SEMA3A: variants seen among roughly 807,000 people sequenced by gnomAD.
SEMA3A encodes the protein semaphorin-3A.
SEMA3A carries 29 observed loss-of-function variants against 97.9 expected under a neutral mutation model. The observed-to-expected ratio is 0.30, with a 90% CI of 0.22 to 0.40. SEMA3A has a LOEUF of 0.40. SEMA3A is among the 10% of genes least tolerant of loss of function. The pLI, the probability that SEMA3A is intolerant of heterozygous loss-of-function variation, is 1.00. For missense variants in SEMA3A, 763 were observed against 951.3 expected (o/e 0.80, Z 2.60); for synonymous variants, 321 against 323.7 (o/e 0.99, Z 0.09).
At chr7:84,238,520 C>A (rs1799287087) in intron 3 of SEMA3A, among the ~76,000 whole-genome samples, 1 of 152,002 alleles carries the variant, frequency 6.6e-6, no homozygotes. Context: ...GAAATAATAG[C>A]TTATGAATAA....
intron 4 of SEMA3A, among the ~76,000 whole-genome samples, chr7:84,069,671 A>G (rs1213744094): frequency 6.6e-6 from 1 of 152,146 alleles, no homozygotes; most frequent in East Asian, 1.9e-4. Context: ...ATTCTTTCAA[A>G]AGGAATATAA....
intron 12 of SEMA3A, among the ~76,000 whole-genome samples, chr7:83,991,095 T>G (rs1181033365): frequency 6.7e-6 from 1 of 149,564 alleles, no homozygotes; most frequent in Non-Finnish European, 1.5e-5. Flanking sequence ...TGAATGGGAG[T>G]TCACTCATGA....
intron 1 of SEMA3A, among the ~76,000 whole-genome samples, chr7:84,186,981 A>G (rs1405135506): frequency 1.3e-5 from 2 of 152,116 alleles, no homozygotes; most frequent in Admixed American, 1.3e-4. Flanking sequence ...AGTAAGTCTG[A>G]GGATGGAAGT....
rs189209093 is a variant in SEMA3A at position 84,473,014 on chromosome 7, G to C, written c.-246+19446C>G. Among the ~76,000 whole-genome samples the C allele has an allele frequency of 1.4e-4, 21 of 152,152 alleles. No homozygotes were observed. In the East Asian group the frequency reaches 3.9e-3, roughly 28 times the overall value. ...AAACTTGATTTTGGAATTAGGTCTA[G>C]GTCTAAATTACAGCTCTGCCACTAA... On this transcript the variant is annotated intron_variant, in intron 1 of 3. Coordinates refer to the SEMA3A transcript ENST00000424555.
intron 5 of SEMA3A, among the ~76,000 whole-genome samples, chr7:84,048,689 A>G (rs893026535): frequency 2.0e-5 from 3 of 152,050 alleles, no homozygotes; most frequent in African/African-American, 7.2e-5. Context: ...AAAATAGAAT[A>G]ATTTAAAAAA....
intron 1 of SEMA3A, among the ~76,000 whole-genome samples, chr7:84,464,926 T>C (rs2116396470): frequency 6.6e-6 from 1 of 152,222 alleles, no homozygotes; most frequent in Admixed American, 6.5e-5. Context: ...AAGAATTGCT[T>C]CAAGGCCACG....
At chr7:84,086,340 A>T (rs1794340233) in intron 4 of SEMA3A, among the ~76,000 whole-genome samples, 1 of 151,540 alleles carries the variant, frequency 6.6e-6, no homozygotes, top group South Asian at 2.1e-4. Context: ...GTAGTTGTGT[A>T]ATCATGACCT....
intron 4 of SEMA3A, among the ~76,000 whole-genome samples, chr7:84,065,253 G>A (rs1192051130): frequency 1.5e-3 from 195 of 129,456 alleles, no homozygotes; most frequent in African/African-American, 5.8e-3. Flanking sequence ...CAGAATCTCT[G>A]GGACGCATTC....
At chr7:84,254,186 C>A (rs1032728107) in intron 3 of SEMA3A, among the ~76,000 whole-genome samples, 1 of 152,072 alleles carries the variant, frequency 6.6e-6, no homozygotes, top group Admixed American at 6.6e-5. Flanking sequence ...CTCATGATGA[C>A]AACAAGGGCC....
chr7:84,462,110 T>A (rs1199901220), intron 1 of SEMA3A, among the ~76,000 whole-genome samples: 1 of 152,142 alleles, frequency 6.6e-6, no homozygotes, highest in African/African-American at 2.4e-5. Flanking sequence ...TAATGTCTCA[T>A]ACAAGACTAC....
At chr7:84,206,881 T>C (rs898157752) in intron 3 of SEMA3A, among the ~76,000 whole-genome samples, 2 of 152,170 alleles carry the variant, frequency 1.3e-5, no homozygotes, top group African/African-American at 2.4e-5. Flanking sequence ...TTTTGTATCA[T>C]AGCAATTACA....
rs78306945 is a variant in SEMA3A at position 84,089,175 on chromosome 7, C to T, written c.453+21295G>A. On this transcript the variant is annotated intron_variant, in intron 4 of 16. Coordinates refer to ENST00000265362, the MANE Select transcript of SEMA3A (RefSeq NM_006080.3). Reference sequence around the variant, plus strand: ...CAGAGGAGTAGTGCAAAATACTTCCCTTTAAAGAAGAATAGAAATCTCAAA... The same window carrying T: ...CAGAGGAGTAGTGCAAAATACTTCCTTTTAAAGAAGAATAGAAATCTCAAA... Among the ~76,000 whole-genome samples the T allele has an allele frequency of 1.3e-3, 197 of 152,182 alleles. 1 individual carries two copies. The East Asian group carries it at 0.016, about 13-fold the overall frequency.
At chr7:84,291,569 A>T (rs1009983060) in intron 3 of SEMA3A, among the ~76,000 whole-genome samples, 1 of 152,132 alleles carries the variant, frequency 6.6e-6, no homozygotes, top group Non-Finnish European at 1.5e-5. Context: ...CTCATAAAAC[A>T]TTGAACATTT....
At chr7:83,989,051 A>C (rs1207568118) in intron 12 of SEMA3A, among the ~76,000 whole-genome samples, 3 of 152,168 alleles carry the variant, frequency 2.0e-5, no homozygotes, top group South Asian at 4.2e-4. Flanking sequence ...AGTAAGGAAA[A>C]TTTTCCACAG....
intron 1 of SEMA3A, among the ~76,000 whole-genome samples, chr7:84,397,846 T>C (rs561594597): frequency 6.6e-6 from 1 of 152,136 alleles, no homozygotes; most frequent in Non-Finnish European, 1.5e-5. Flanking sequence ...TTTGACATAT[T>C]AGAATGATAT....
chr7:84,233,222 T>C (rs1269125660), intron 3 of SEMA3A, among the ~76,000 whole-genome samples: 4 of 152,010 alleles, frequency 2.6e-5, no homozygotes, highest in African/African-American at 4.8e-5. Flanking sequence ...TTTTCTTGCA[T>C]ATATGTATTG....
chr7:84,195,024 A>AAG (rs60880561), upstream of SEMA3A: 2,019 of 140,646 alleles, frequency 0.014, 27 homozygotes, highest in African/African-American at 0.035. Context: ...GAGAGAGAGA[A>AAG]AGAGAGAGAG....
At chr7:84,080,215 G>T (rs1375548582) in intron 4 of SEMA3A, among the ~76,000 whole-genome samples, 95 of 89,500 alleles carry the variant, frequency 1.1e-3, no homozygotes, top group African/African-American at 4.8e-3. Context: ...GGTGGGGGGA[G>T]GGGGTAGGGA....
At chr7:84,285,052 T>TA (rs1432707078) in intron 3 of SEMA3A, among the ~76,000 whole-genome samples, 1 of 152,192 alleles carries the variant, frequency 6.6e-6, no homozygotes, top group Non-Finnish European at 1.5e-5. Flanking sequence ...TGTACTCTTT[T>TA]ATTTTTTTTG....
Sources: gnomAD v4.1 joint callset for allele counts (sites outside exome capture counted in the v4.1 genomes callset) on GRCh38, gnomAD v4.1.1 for gene constraint, MANE v1.5 for transcripts, NCBI Gene and HGNC (gene_info 2026-07-23, HGNC 2026-07-21) for gene names.